The following ST3GAL2 variants were observed in gnomAD, a reference collection of about 807,000 sequenced individuals.
ST3GAL2 encodes CMP-N-acetylneuraminate-beta-galactosamide-alpha-2,3-sialyltransferase 2.
Under a neutral mutation model 37.5 loss-of-function variants are expected in ST3GAL2, and 16 were observed. That is an observed-to-expected ratio of 0.43 (90% CI 0.29 to 0.65). The LOEUF is 0.65. Ranked by LOEUF, ST3GAL2 falls within the 30% of genes least tolerant of loss-of-function variation. The pLI is 0.17. For missense variants in ST3GAL2, 383 were observed against 487.8 expected (o/e 0.79, Z 2.02); for synonymous variants, 238 against 202.9 (o/e 1.17, Z -1.47).
intron 6 of ST3GAL2, 63 bp from the exon 7 acceptor site, chr16:70,381,925 C>G: frequency 6.3e-7 from 1 of 1,594,946 alleles, no homozygotes; most frequent in African/African-American, 1.3e-5. Context: ...GCGGGGCGGG[C>G]TCGGGATGAC....
At chr16:70,416,585 A>C (rs1264615294) in intron 1 of ST3GAL2, among the ~76,000 whole-genome samples, 1 of 152,212 alleles carries the variant, frequency 6.6e-6, no homozygotes, top group Non-Finnish European at 1.5e-5. Context: ...CAGGGCTATA[A>C]AAATCAAAAG....
At chr16:70,384,933 CAGGAGGCAG>C (rs1439272975) in intron 4 of ST3GAL2, among the ~76,000 whole-genome samples, 4 of 151,436 alleles carry the variant, frequency 2.6e-5, no homozygotes, top group African/African-American at 4.8e-5. Flanking sequence ...CGCTTGAACC[CAGGAGGCAG>C]AGGTTGCAGT....
chr16:70,395,914 A>G (rs1007561679), intron 2 of ST3GAL2, among the ~76,000 whole-genome samples: 5 of 151,996 alleles, frequency 3.3e-5, no homozygotes, highest in African/African-American at 1.2e-4. Flanking sequence ...AAAGTTTCCC[A>G]TTTTTCAAGA....
At chr16:70,393,498 C>A (rs2047495459) in intron 3 of ST3GAL2, among the ~76,000 whole-genome samples, 1 of 152,198 alleles carries the variant, frequency 6.6e-6, no homozygotes, top group Non-Finnish European at 1.5e-5. Flanking sequence ...AGGTGCCTGA[C>A]CAGTGAAAGC....
chr16:70,427,464 A>G (rs1370251867), intron 1 of ST3GAL2, among the ~76,000 whole-genome samples: 1 of 150,318 alleles, frequency 6.7e-6, no homozygotes, highest in Admixed American at 6.7e-5. Context: ...TCAGCCTCCC[A>G]AGTAGCTGGG....
Position 70,383,185 on chromosome 16 carries a change from C to T in ST3GAL2, c.759+5G>A, listed in dbSNP as rs1365069579. On this transcript the variant is annotated splice_donor_5th_base_variant and intron_variant, in intron 5 of 6. Transcript: ENST00000342907. ...ACTGAGGTGGGGAAGAAGTGGGGAG[C>T]TTACCTTTTCTTTATCCACTCGAAG... 6.2e-7 allele frequency: 1 copy of T among 1,612,118 alleles called. No individual in the cohort carries two copies. The highest frequency in any genetic ancestry group is 1.3e-5 in the African/African-American group (1 of 74,846).
chr16:70,385,796 C>T (rs1247869726), intron 4 of ST3GAL2, among the ~76,000 whole-genome samples: 5 of 149,876 alleles, frequency 3.3e-5, no homozygotes, highest in Non-Finnish European at 5.9e-5. Context: ...CTCTGCCTCC[C>T]GGGTTCAAGT....
intron 1 of ST3GAL2, among the ~76,000 whole-genome samples, chr16:70,404,905 C>T (rs562171529): frequency 3.3e-5 from 5 of 151,966 alleles, no homozygotes; most frequent in Admixed American, 6.6e-5. Context: ...GGCTGGCGTG[C>T]GCCTGTAGTC....
At chr16:70,413,626 C>T (rs564889003) in intron 1 of ST3GAL2, among the ~76,000 whole-genome samples, 1 of 149,296 alleles carries the variant, frequency 6.7e-6, no homozygotes, top group East Asian at 2.0e-4. Flanking sequence ...ATCCCAGCTA[C>T]TCCGGAGGCT....
intron 1 of ST3GAL2, among the ~76,000 whole-genome samples, chr16:70,407,065 G>C (rs1597567106): frequency 1.3e-5 from 2 of 152,116 alleles, no homozygotes; most frequent in Admixed American, 1.3e-4. Context: ...GATTTACAGA[G>C]AGACCAGATG....
At chr16:70,381,947 G>A (rs1461722185) in intron 6 of ST3GAL2, 85 bp from the exon 7 acceptor site, 2 of 1,558,372 alleles carry the variant, frequency 1.3e-6, no homozygotes, top group African/African-American at 2.7e-5. Context: ...GGGAGGAGAG[G>A]GGACGGGAGG....
At chr16:70,388,604 C>T in intron 3 of ST3GAL2, 58 bp from the exon 4 acceptor site, 1 of 1,518,210 alleles carries the variant, frequency 6.6e-7, no homozygotes, top group African/African-American at 1.4e-5. Context: ...ATACAAGATT[C>T]TTAGAGGACA....
At chr16:70,428,766 C>A (rs1036530933) in intron 1 of ST3GAL2, among the ~76,000 whole-genome samples, 9 of 152,188 alleles carry the variant, frequency 5.9e-5, no homozygotes, top group Admixed American at 5.2e-4. Flanking sequence ...CCTACCCAGC[C>A]CCTTCCAAGC....
intron 3 of ST3GAL2, among the ~76,000 whole-genome samples, chr16:70,391,079 C>T (rs2047479203): frequency 6.6e-6 from 1 of 152,170 alleles, no homozygotes; most frequent in Admixed American, 6.5e-5. Context: ...CTTAGAGTGG[C>T]TGGCACCAGC....
chr16:70,377,954 A>C lies in ST3GAL2; in HGVS notation c.*3735T>G, dbSNP rs1032614837. The C allele has an allele frequency of 6.6e-6, 1 of 152,186 alleles. No homozygotes were observed. Among genetic ancestry groups the C allele is most frequent in the Non-Finnish European group, 1.5e-5 (1 of 68,032 alleles). The allele number at this position is 152,186 out of a possible 1,614,324, so 9.4% of individuals were successfully genotyped here. On this transcript the variant is annotated 3_prime_UTR_variant, in exon 7 of 7. Transcript: ENST00000342907. Reference sequence around the variant, plus strand: ...CACTTACCTAACTTCCCTTCCCACAACGTCACTAAAGCTATGGGAAAGGAA... The same window carrying C: ...CACTTACCTAACTTCCCTTCCCACACCGTCACTAAAGCTATGGGAAAGGAA...
At chr16:70,394,380 G>T (rs939207264) in intron 3 of ST3GAL2, among the ~76,000 whole-genome samples, 1 of 152,072 alleles carries the variant, frequency 6.6e-6, no homozygotes, top group African/African-American at 2.4e-5. Flanking sequence ...GGCTTCTGAT[G>T]GGAATTTTTG....
chr16:70,388,587 G>T, intron 3 of ST3GAL2, 41 bp from the exon 4 acceptor site: 1 of 1,529,774 alleles, frequency 6.5e-7, no homozygotes, highest in Non-Finnish European at 8.8e-7. Context: ...AACTGCCATG[G>T]AAACTGATAC....
chr16:70,376,833 C>G lies in ST3GAL2; in HGVS notation c.*4856G>C, dbSNP rs982865542. The G allele has an allele frequency of 6.6e-6, 1 of 151,832 alleles. No individual in the cohort carries two copies. The highest frequency in any genetic ancestry group is 6.6e-5 in the Admixed American group (1 of 15,204). The allele number at this position is 151,832 out of a possible 1,614,324, so 9.4% of individuals were successfully genotyped here. ...TCTCGGCTCACCACAACTTCCACCT[C>G]CCAGGTTCAAGCAATTCTCTGCCTC... On this transcript the variant is annotated 3_prime_UTR_variant, in exon 7 of 7. Coordinates refer to ENST00000342907, the MANE Select transcript of ST3GAL2 (RefSeq NM_006927.4).
intron 1 of ST3GAL2, among the ~76,000 whole-genome samples, chr16:70,411,455 G>A (rs1056260118): frequency 2.0e-5 from 3 of 151,842 alleles, no homozygotes; most frequent in Non-Finnish European, 4.4e-5. Context: ...GTGCCTTCCT[G>A]CCTGGGATGT....
Sources: gnomAD v4.1 joint callset for allele counts (sites outside exome capture counted in the v4.1 genomes callset) on GRCh38, gnomAD v4.1.1 for gene constraint, MANE v1.5 for transcripts, NCBI Gene and HGNC (gene_info 2026-07-23, HGNC 2026-07-21) for gene names.